RUNDC3B: variants seen among roughly 807,000 people sequenced by gnomAD.
RUNDC3B encodes the protein RUN domain containing 3B.
A neutral mutation model predicts 58.4 loss-of-function variants in RUNDC3B; 33 were observed. The observed-to-expected ratio is 0.56, with a 90% CI of 0.43 to 0.75. The LOEUF (loss-of-function observed/expected upper bound fraction) is 0.75. Ranked by LOEUF, RUNDC3B falls within the 30% of genes least tolerant of loss-of-function variation. RUNDC3B has a pLI of 0.00. For missense variants in RUNDC3B, 501 were observed against 535.7 expected, an observed-to-expected ratio of 0.94 and a Z score of 0.64; for synonymous variants, 193 against 195.2, an observed-to-expected ratio of 0.99 and a Z score of 0.10.
intron 1 of RUNDC3B, among the ~76,000 whole-genome samples, chr7:87,629,699 G>A (rs1361224227): frequency 2.6e-5 from 4 of 151,872 alleles, no homozygotes; most frequent in African/African-American, 9.7e-5. Context: ...AGGCTGAGGC[G>A]GGCGGATCAC....
intron 10 of RUNDC3B, among the ~76,000 whole-genome samples, chr7:87,829,333 C>A (rs1052943473): frequency 6.6e-6 from 1 of 152,042 alleles, no homozygotes; most frequent in Non-Finnish European, 1.5e-5. Flanking sequence ...TCCCTCTTGT[C>A]AATTTTTGGT....
chr7:87,693,373 T>C (rs982049758), intron 2 of RUNDC3B, among the ~76,000 whole-genome samples: 7 of 152,134 alleles, frequency 4.6e-5, no homozygotes, highest in African/African-American at 1.7e-4. Flanking sequence ...TTAACAATTC[T>C]TAGGCAAAAA....
intron 9 of RUNDC3B, 98 bp downstream of exon 9, chr7:87,807,617 T>C (rs1162677805): frequency 3.5e-6 from 3 of 855,828 alleles, no homozygotes; most frequent in African/African-American, 1.7e-5. Context: ...TCTGAACTTA[T>C]TATTATCTTA....
At chr7:87,663,321 A>T (rs755430059) in intron 2 of RUNDC3B, among the ~76,000 whole-genome samples, 9 of 151,896 alleles carry the variant, frequency 5.9e-5, no homozygotes, top group Admixed American at 3.3e-4. Context: ...CCTTGTGTTT[A>T]TTACCCATTG....
chr7:87,647,417 A>G (rs955714147), intron 1 of RUNDC3B, among the ~76,000 whole-genome samples: 10 of 152,242 alleles, frequency 6.6e-5, no homozygotes, highest in African/African-American at 2.4e-4. Flanking sequence ...GCTTGAATGC[A>G]AAAGCAGTAA....
chr7:87,739,026 T>G (rs190493647), intron 4 of RUNDC3B, among the ~76,000 whole-genome samples: 35 of 152,032 alleles, frequency 2.3e-4, no homozygotes, highest in South Asian at 1.2e-3. Flanking sequence ...ATAAACTAGA[T>G]TTTACATAGT....
At chr7:87,767,235 A>C (rs1834022315) in intron 6 of RUNDC3B, among the ~76,000 whole-genome samples, 1 of 152,212 alleles carries the variant, frequency 6.6e-6, no homozygotes, top group Non-Finnish European at 1.5e-5. Flanking sequence ...TTGTCATAAC[A>C]GAATTTTCAT....
At chr7:87,788,812 A>G (rs938780621) in intron 8 of RUNDC3B, among the ~76,000 whole-genome samples, 2 of 151,748 alleles carry the variant, frequency 1.3e-5, no homozygotes. Flanking sequence ...CCTTTTCAAA[A>G]CTTATTGTCA....
intron 6 of RUNDC3B, among the ~76,000 whole-genome samples, chr7:87,746,497 T>C (rs1167600796): frequency 1.3e-5 from 2 of 152,282 alleles, no homozygotes; most frequent in East Asian, 3.9e-4. Context: ...GGAGCTCCAG[T>C]GTTTGGTGCT....
chr7:87,797,219 T>C (rs561245568), intron 8 of RUNDC3B, among the ~76,000 whole-genome samples: 2 of 152,306 alleles, frequency 1.3e-5, no homozygotes, highest in South Asian at 4.1e-4. Context: ...TAGATTTGGT[T>C]AAATAAGTAC....
At chr7:87,791,777 A>AGTG (rs1431995166) in intron 8 of RUNDC3B, among the ~76,000 whole-genome samples, 1 of 152,068 alleles carries the variant, frequency 6.6e-6, no homozygotes, top group Admixed American at 6.5e-5. Context: ...CACTTTCACA[A>AGTG]AAAGGAATAC....
chr7:87,702,437 C>G (rs1289089757), intron 3 of RUNDC3B, among the ~76,000 whole-genome samples: 1 of 151,882 alleles, frequency 6.6e-6, no homozygotes, highest in African/African-American at 2.4e-5. Flanking sequence ...TGCCACCATG[C>G]CTGGCAAATG....
At chr7:87,688,332 A>G (rs945396568) in intron 2 of RUNDC3B, among the ~76,000 whole-genome samples, 1 of 152,042 alleles carries the variant, frequency 6.6e-6, no homozygotes, top group Non-Finnish European at 1.5e-5. Context: ...AATAATCACT[A>G]CATAGTTTCT....
intron 6 of RUNDC3B, among the ~76,000 whole-genome samples, chr7:87,755,189 AT>A (rs1833297330): frequency 6.6e-6 from 1 of 151,882 alleles, no homozygotes; most frequent in Non-Finnish European, 1.5e-5. Flanking sequence ...CACCTGGCTA[AT>A]TTTTGTATTA....
chr7:87,700,970 T>C (rs891814036), intron 3 of RUNDC3B, among the ~76,000 whole-genome samples: 1 of 152,220 alleles, frequency 6.6e-6, no homozygotes, highest in Non-Finnish European at 1.5e-5. Context: ...CAGTATTTTC[T>C]TTTAAAGGCA....
intron 2 of RUNDC3B, among the ~76,000 whole-genome samples, chr7:87,696,728 G>A (rs1448339983): frequency 6.6e-6 from 1 of 152,166 alleles, no homozygotes; most frequent in Non-Finnish European, 1.5e-5. Context: ...TTGTAGAGCA[G>A]ATAAATGTGT....
chr7:87,770,701 C>A lies in RUNDC3B; in HGVS notation c.750C>A (p.Asn250Lys), dbSNP rs1834231176. Reference protein sequence around the residue: ...PFLMDENSWFNKCKRVKQKYQ... With the variant: ...PFLMDENSWFKKCKRVKQKYQ... ...TCATGGATGAGAACAGTTGGTTCAA[C>A]AAGTGTAAGAGAGTTAAACAAAAGT... The change falls in exon 7 of 11, where the codon AAC becomes AAA. Residue 250 changes from asparagine to lysine, a missense_variant. Asn to Lys is a moderately conservative substitution (Grantham distance 94, BLOSUM62 0). Transcript: ENST00000394654. The A allele has an allele frequency of 6.2e-7, 1 of 1,613,460 alleles. No individual in the cohort carries two copies. The highest frequency in any genetic ancestry group is 8.5e-7 in the Non-Finnish European group (1 of 1,179,602).
intron 6 of RUNDC3B, among the ~76,000 whole-genome samples, chr7:87,753,471 G>C (rs1352640451): frequency 1.3e-5 from 2 of 152,044 alleles, no homozygotes; most frequent in Non-Finnish European, 2.9e-5. Flanking sequence ...GTTGACAGTG[G>C]GGTGTTAAAA....
intron 4 of RUNDC3B, among the ~76,000 whole-genome samples, chr7:87,715,995 C>T (rs1352583516): frequency 6.6e-6 from 1 of 151,844 alleles, no homozygotes; most frequent in Non-Finnish European, 1.5e-5. Flanking sequence ...AGGCAATTTG[C>T]AAAGAGGAAG....
Sources: gnomAD v4.1 joint callset for allele counts (sites outside exome capture counted in the v4.1 genomes callset) on GRCh38, gnomAD v4.1.1 for gene constraint, MANE v1.5 for transcripts, NCBI Gene and HGNC (gene_info 2026-07-23, HGNC 2026-07-21) for gene names.